Variants in GFPT1 observed in about 807,000 individuals in gnomAD.
The protein encoded by GFPT1 is glutamine--fructose-6-phosphate transaminase 1, also known as glutamine--fructose-6-phosphate aminotransferase [isomerizing] 1.
GFPT1 carries 40 observed loss-of-function variants against 92.0 expected under a neutral mutation model. That is an observed-to-expected ratio of 0.43 (90% confidence interval 0.34 to 0.57). The LOEUF is 0.57. GFPT1 is among the 20% of genes least tolerant of loss of function. The pLI is 0.02. For synonymous variants in GFPT1, 269 were observed against 280.6 expected (o/e 0.96, Z 0.41); for missense variants, 448 against 869.1 (o/e 0.52, Z 6.09).
intron 9 of GFPT1, among the ~76,000 whole-genome samples, chr2:69,350,613 G>A (rs1331215319): frequency 2.0e-5 from 3 of 151,858 alleles, no homozygotes; most frequent in Non-Finnish European, 4.4e-5. Flanking sequence ...ATTGTGCAAC[G>A]AAAAATAAAA....
intron 15 of GFPT1, among the ~76,000 whole-genome samples, chr2:69,333,511 T>G (rs1670721869): frequency 6.6e-6 from 1 of 152,224 alleles, no homozygotes; most frequent in Admixed American, 6.5e-5. Flanking sequence ...ACATTCAGAA[T>G]CTACCGAGGT....
chr2:69,343,213 T>A (rs539000159), intron 12 of GFPT1, among the ~76,000 whole-genome samples: 2 of 152,328 alleles, frequency 1.3e-5, no homozygotes, highest in East Asian at 3.9e-4. Flanking sequence ...TCATTCAACA[T>A]TCATTCAACT....
chr2:69,371,939 C>T (rs1212394895), intron 2 of GFPT1, among the ~76,000 whole-genome samples: 5 of 150,044 alleles, frequency 3.3e-5, no homozygotes, highest in East Asian at 2.0e-4. Flanking sequence ...CGGCGGCTCA[C>T]GCCTGTAATC....
chr2:69,385,498 T>G (rs1672109183), intron 1 of GFPT1, among the ~76,000 whole-genome samples: 1 of 152,052 alleles, frequency 6.6e-6, no homozygotes, highest in African/African-American at 2.4e-5. Flanking sequence ...GTGCTGAGAT[T>G]ATAGGCGGGA....
At chr2:69,350,281 G>A (rs1671173824) in intron 9 of GFPT1, 98 bp from the exon 10 acceptor site, 3 of 836,418 alleles carry the variant, frequency 3.6e-6, no homozygotes, top group African/African-American at 1.7e-5. Context: ...AAAAATCATA[G>A]CAACACAAAA....
intron 1 of GFPT1, among the ~76,000 whole-genome samples, chr2:69,377,617 A>T (rs892327810): frequency 1.3e-5 from 2 of 150,856 alleles, no homozygotes; most frequent in African/African-American, 4.9e-5. Context: ...CCTAGACTGC[A>T]CCACTGCACT....
intron 18 of GFPT1, among the ~76,000 whole-genome samples, chr2:69,327,630 A>G (rs1177809779): frequency 2.0e-5 from 3 of 152,082 alleles, no homozygotes; most frequent in Non-Finnish European, 4.4e-5. Context: ...TGCCACTGCA[A>G]CCAGCTGAAA....
Position 69,347,554 on chromosome 2 carries a change from TG to T in GFPT1, c.1009+616del, listed in dbSNP as rs1037418335. 6.6e-5 allele frequency among the ~76,000 whole-genome samples: 10 copies of T among 151,466 alleles called. No individual in the cohort carries two copies. The South Asian group carries it at 8.3e-4, about 13-fold the overall frequency. On this transcript the variant is annotated intron_variant, in intron 11 of 19. Coordinates refer to ENST00000357308, the MANE Select transcript of GFPT1 (RefSeq NM_001244710.2). ...GTGCAATGGCGCAATCTCGGCTCAC[TG>T]AAACCTCTGCCTCCCGGGTTCAAGC...
intron 15 of GFPT1, among the ~76,000 whole-genome samples, chr2:69,332,447 G>A (rs1265304702): frequency 6.6e-6 from 1 of 151,552 alleles, no homozygotes; most frequent in Middle Eastern, 3.2e-3. Flanking sequence ...CCAAGTAGCT[G>A]GGATTACAGG....
chr2:69,352,612 CAAAAAAAAAAAAAAAAA>C (rs748958210), intron 9 of GFPT1, among the ~76,000 whole-genome samples: 1 of 47,378 alleles, frequency 2.1e-5, no homozygotes, highest in African/African-American at 7.6e-5. Context: ...GACTTCGTCT[CAAAAAAAAAAAAAAAAA>C]AAAAAAAACA....
intron 15 of GFPT1, among the ~76,000 whole-genome samples, chr2:69,337,389 G>A (rs962114831): frequency 1.4e-4 from 21 of 152,078 alleles, no homozygotes; most frequent in African/African-American, 5.1e-4. Context: ...TACCAAAGGT[G>A]TATTCCTCCT....
At position 69,379,515 on chromosome 2, in the gene GFPT1, T is replaced by A. The variant is rs80331745; in HGVS notation, c.8-5402A>T. Reference sequence around the variant, plus strand: ...TCACATTCTACATTTAAGATTTCTTTAAAATTAAGTATTATTTGAGATACA... The same window carrying A: ...TCACATTCTACATTTAAGATTTCTTAAAAATTAAGTATTATTTGAGATACA... On this transcript the variant is annotated intron_variant, in intron 1 of 19. Coordinates refer to ENST00000357308, the MANE Select transcript of GFPT1 (RefSeq NM_001244710.2). Among the ~76,000 whole-genome samples, 2,161 of 152,282 alleles carry A rather than the reference T, an allele frequency of 0.014. 122 individuals are homozygous for A. The East Asian group carries it at 0.17, about 12-fold the overall frequency.
chr2:69,375,285 G>A (rs1022097474), intron 1 of GFPT1, among the ~76,000 whole-genome samples: 1 of 152,142 alleles, frequency 6.6e-6, no homozygotes, highest in Non-Finnish European at 1.5e-5. Flanking sequence ...ACATTTCACT[G>A]TAATTCTGAT....
At chr2:69,329,487 C>A in intron 16 of GFPT1, 63 bp from the exon 17 acceptor site, 1 of 1,276,510 alleles carries the variant, frequency 7.8e-7, no homozygotes, top group Non-Finnish European at 1.1e-6. Context: ...AATATATTGG[C>A]AGCAAATAAC....
At position 69,338,520 on chromosome 2, in the gene GFPT1, C is replaced by G; in HGVS notation, c.1249G>C (p.Glu417Gln). The G allele has an allele frequency of 6.2e-7, 1 of 1,613,222 alleles. No individual in the cohort carries two copies. The highest frequency in any genetic ancestry group is 8.5e-7 in the Non-Finnish European group (1 of 1,179,204). ...CTGTCCAGGAAGTCACTTGCTAGTT[C>G]CACCATCACAGGCAACTCAGTCAGC... ...EELTELPVMV[E>Q]LASDFLDRNT... is the part of the protein sequence containing the mutation. Residue 417 changes from glutamate (E) to glutamine (Q), a missense_variant, in exon 14 of 20, where the codon GAA becomes CAA. By Grantham distance (29) the Glu-to-Gln change is conservative. Transcript: ENST00000357308.
intron 3 of GFPT1, among the ~76,000 whole-genome samples, chr2:69,367,111 T>A (rs1197798989): frequency 1.3e-5 from 2 of 152,154 alleles, no homozygotes; most frequent in African/African-American, 4.8e-5. Context: ...TATATCCCCA[T>A]CCCATTCACT....
intron 2 of GFPT1, among the ~76,000 whole-genome samples, chr2:69,371,000 A>AAAAC (rs532619158): frequency 6.6e-6 from 1 of 152,044 alleles, no homozygotes; most frequent in Non-Finnish European, 1.5e-5. Context: ...ATTCATCTCA[A>AAAAC]AAACAAACAA....
chr2:69,328,421 A>C lies in GFPT1; in HGVS notation c.1743T>G (p.Thr581=). 2 of 1,612,844 alleles carry C rather than the reference A, an allele frequency of 1.2e-6. No homozygotes were observed. The highest frequency in any genetic ancestry group is 1.7e-6 in the Non-Finnish European group (2 of 1,178,840). Reference sequence around the variant, plus strand: ...CAAGGATGCCTTCAGAGTGCATATAAGTAATTTCTTTGATTTTCTAATAGG... The same window carrying C: ...CAAGGATGCCTTCAGAGTGCATATACGTAATTTCTTTGATTTTCTAATAGG... ...LEGALKIKEI[T]YMHSEGILAG... The change falls in exon 18 of 20, where the codon ACT becomes ACG. Residue 581 remains threonine, a synonymous_variant. Coordinates refer to ENST00000357308, the MANE Select transcript of GFPT1 (RefSeq NM_001244710.2).
intron 11 of GFPT1, among the ~76,000 whole-genome samples, chr2:69,346,242 AGCT>A (rs1671078456): frequency 6.6e-6 from 1 of 152,042 alleles, no homozygotes; most frequent in South Asian, 2.1e-4. Context: ...GAATGAGACA[AGCT>A]TTTTTTTTTT....
Sources: gnomAD v4.1 joint callset for allele counts (sites outside exome capture counted in the v4.1 genomes callset) on GRCh38, gnomAD v4.1.1 for gene constraint, MANE v1.5 for transcripts, NCBI Gene and HGNC (gene_info 2026-07-23, HGNC 2026-07-21) for gene names.